The following MYO16 variants were observed in gnomAD, a reference collection of about 807,000 sequenced individuals.
The protein encoded by MYO16 is myosin XVI.
MYO16 carries 94 observed loss-of-function variants against 205.3 expected under a neutral mutation model. The observed-to-expected ratio is 0.46, with a 90% CI of 0.39 to 0.54. MYO16 has a LOEUF of 0.54. Ranked by LOEUF, MYO16 falls within the 20% of genes least tolerant of loss-of-function variation. The pLI is 0.00. For synonymous variants in MYO16, 988 were observed against 954.0 expected (o/e 1.04, Z -0.66); for missense variants, 2,315 against 2,387.5 (o/e 0.97, Z 0.63).
At chr13:108,973,479 GATA>G (rs546453146) in intron 20 of MYO16, among the ~76,000 whole-genome samples, 13 of 152,128 alleles carry the variant, frequency 8.5e-5, no homozygotes, top group African/African-American at 1.2e-4. Flanking sequence ...CACATATTTT[GATA>G]ATAAGGGAAA....
chr13:108,908,376 A>G (rs1881090526), intron 15 of MYO16, among the ~76,000 whole-genome samples: 1 of 152,204 alleles, frequency 6.6e-6, no homozygotes, highest in Admixed American at 6.5e-5. Flanking sequence ...CTGATTAGCT[A>G]AATTGACCAC....
At chr13:108,986,254 T>A (rs1396223707) in intron 20 of MYO16, among the ~76,000 whole-genome samples, 1 of 152,072 alleles carries the variant, frequency 6.6e-6, no homozygotes, top group Non-Finnish European at 1.5e-5. Flanking sequence ...CCAAACCATA[T>A]CAAGGTAGAA....
intron 27 of MYO16, among the ~76,000 whole-genome samples, chr13:109,072,269 CT>C (rs1178362299): frequency 1.3e-5 from 2 of 152,088 alleles, no homozygotes; most frequent in East Asian, 3.9e-4. Context: ...GTAGCAATGT[CT>C]TTTCCCATTC....
chr13:108,597,438 T>C (rs1275861335), intron 1 of MYO16, among the ~76,000 whole-genome samples: 1 of 152,200 alleles, frequency 6.6e-6, no homozygotes, highest in Non-Finnish European at 1.5e-5. Flanking sequence ...TGTTGTCTTA[T>C]TGATATCCTG....
chr13:109,101,199 C>T, intron 28 of MYO16: 1 of 239,522 alleles, frequency 4.2e-6, no homozygotes, highest in South Asian at 7.0e-5. Flanking sequence ...CATATTTACC[C>T]ATAGCAGGAG....
At chr13:108,621,496 G>A (rs1435336503) in intron 1 of MYO16, among the ~76,000 whole-genome samples, 2 of 152,112 alleles carry the variant, frequency 1.3e-5, no homozygotes, top group Non-Finnish European at 2.9e-5. Flanking sequence ...GTAACATGAT[G>A]AAGTCTCATG....
intron 16 of MYO16, among the ~76,000 whole-genome samples, chr13:108,952,826 C>T (rs373770592): frequency 2.0e-5 from 3 of 152,192 alleles, no homozygotes; most frequent in East Asian, 1.9e-4. Flanking sequence ...TATAGATATG[C>T]AATTTTGACT....
intron 34 of MYO16, among the ~76,000 whole-genome samples, chr13:109,184,151 C>T (rs761284719): frequency 3.9e-5 from 6 of 151,966 alleles, no homozygotes; most frequent in Admixed American, 6.6e-5. Context: ...TGTCAGGGAA[C>T]GTAAGTAAGA....
chr13:108,643,266 C>T (rs547962520), intron 1 of MYO16, among the ~76,000 whole-genome samples: 7 of 152,292 alleles, frequency 4.6e-5, no homozygotes, highest in Admixed American at 4.6e-4. Context: ...ATGTGATCTT[C>T]TGAGATTGGC....
intron 4 of MYO16, among the ~76,000 whole-genome samples, chr13:108,783,222 A>T (rs1886359702): frequency 6.6e-6 from 1 of 152,200 alleles, no homozygotes. Flanking sequence ...CCCACATTTT[A>T]GATCAGCATG....
At chr13:108,991,917 C>T (rs1566449444) in intron 20 of MYO16, among the ~76,000 whole-genome samples, 1 of 152,030 alleles carries the variant, frequency 6.6e-6, no homozygotes, top group Non-Finnish European at 1.5e-5. Context: ...TTTTTTTGGC[C>T]TCAAATTCTT....
rs141660198 is a variant in MYO16, at chr13:109,094,925, G to C, written c.3336-5860G>C. Among the ~76,000 whole-genome samples the C allele has an allele frequency of 9.3e-4, 131 of 140,334 alleles. 1 individual carries two copies. Among genetic ancestry groups the C allele is most frequent in the African/African-American group, 3.3e-3 (122 of 37,254 alleles). The allele number at this position is 140,334 out of a possible 152,430, so 92.1% of individuals were successfully genotyped here. A position where few individuals can be genotyped will look rare whatever the true frequency, so the allele number is the denominator to read the frequency against. ...TGATGGGCATTTGGGTTGGTTCCAAGATTGCTTTTTAATTCTAGCTCTCTC... is the reference window on the plus strand; with the variant it reads ...TGATGGGCATTTGGGTTGGTTCCAACATTGCTTTTTAATTCTAGCTCTCTC... On this transcript the variant is annotated intron_variant, in intron 27 of 34. Transcript: ENST00000457511.
intron 1 of MYO16, among the ~76,000 whole-genome samples, chr13:108,652,824 C>T (rs1881071067): frequency 6.6e-6 from 1 of 152,172 alleles, no homozygotes; most frequent in African/African-American, 2.4e-5. Flanking sequence ...CACTTCTTGG[C>T]AATTTTGAAT....
chr13:108,783,002 C>A (rs117740583), intron 4 of MYO16, among the ~76,000 whole-genome samples: 24,073 of 152,138 alleles, frequency 0.16, 2,014 homozygotes, highest in Middle Eastern at 0.24. Context: ...GGGGCTGGAG[C>A]CCCCACACAG....
the MYO16 span, among the ~76,000 whole-genome samples, chr13:108,574,191 T>C: frequency 1.3e-5 from 2 of 152,182 alleles, no homozygotes; most frequent in African/African-American, 4.8e-5. Context: ...TTGTCCTGAA[T>C]ACATCAACAG....
At chr13:108,785,786 A>G (rs1886440728) in intron 5 of MYO16, 43 bp downstream of exon 5, 1 of 1,255,918 alleles carries the variant, frequency 8.0e-7, no homozygotes. Context: ...ATAGATTGGG[A>G]GAATTGTAAG....
rs572716748 is a variant in MYO16 at position 108,777,617 on chromosome 13, G to T, written c.508-8018G>T. On this transcript the variant is annotated intron_variant, in intron 4 of 34. Coordinates refer to ENST00000457511, the MANE Select transcript of MYO16 (RefSeq NM_001198950.3). ...CACCACTGGGTACCCACCACAGTGG[G>T]CAAGAACAAGAAGGAACATCCTGGG... Among the ~76,000 whole-genome samples, 35 of 152,286 alleles carry T rather than the reference G, an allele frequency of 2.3e-4. 1 individual carries two copies. In the South Asian group the frequency reaches 6.4e-3, roughly 28 times the overall value.
chr13:108,566,689 AAGAGAG>A, the MYO16 span, among the ~76,000 whole-genome samples: 1 of 144,504 alleles, frequency 6.9e-6, no homozygotes, highest in South Asian at 2.2e-4. Context: ...AAGGAAGGGA[AAGAGAG>A]AGAGAGAGAG....
At chr13:108,855,134 A>G (rs2139099897) in intron 10 of MYO16, among the ~76,000 whole-genome samples, 1 of 152,370 alleles carries the variant, frequency 6.6e-6, no homozygotes, top group African/African-American at 2.4e-5. Flanking sequence ...CTAAATTATC[A>G]GTAGGGAATA....
Sources: allele counts gnomAD v4.1 joint callset (sites outside exome capture counted in the v4.1 genomes callset), GRCh38; gene constraint gnomAD v4.1.1; transcripts MANE v1.5; gene names NCBI Gene and HGNC (gene_info 2026-07-23, HGNC 2026-07-21).